The following WDR31 variants were observed in gnomAD, a reference collection of about 807,000 sequenced individuals.
WDR31 encodes the protein WD repeat-containing protein 31.
In WDR31, 30 loss-of-function variants were observed where a neutral mutation model predicts 47.3. That is an observed-to-expected ratio of 0.63 (90% confidence interval 0.47 to 0.86). WDR31 has a LOEUF of 0.86. Among genes scored for constraint, WDR31 ranks in the 40% least tolerant of loss-of-function variants. The pLI is 0.00. For missense variants in WDR31, 406 were observed against 442.9 expected, an observed-to-expected ratio of 0.92 and a Z score of 0.75; for synonymous variants, 137 against 159.4, an observed-to-expected ratio of 0.86 and a Z score of 1.06.
intron 8 of WDR31, among the ~76,000 whole-genome samples, chr9:113,320,997 T>G (rs16932644): frequency 0.029 from 4,491 of 152,282 alleles, 217 homozygotes; most frequent in African/African-American, 0.098. Context: ...TTTACCCCAT[T>G]CCTACCATTT....
At chr9:113,320,087 C>T (rs1420887665) in intron 9 of WDR31, among the ~76,000 whole-genome samples, 2 of 152,078 alleles carry the variant, frequency 1.3e-5, no homozygotes, top group Non-Finnish European at 2.9e-5. Context: ...GCCCAGCTAA[C>T]TTTTTATTTT....
chr9:113,326,273 A>G (rs1456689772), intron 5 of WDR31, among the ~76,000 whole-genome samples: 2 of 152,246 alleles, frequency 1.3e-5, no homozygotes, highest in Admixed American at 1.3e-4. Flanking sequence ...GCATATGGCA[A>G]GATTTTACAA....
At chr9:113,328,818 A>C (rs999960779) in intron 5 of WDR31, 63 bp downstream of exon 5, 13 of 1,350,886 alleles carry the variant, frequency 9.6e-6, no homozygotes, top group Non-Finnish European at 1.4e-5. Context: ...CTTAATATCT[A>C]GAACTATTAG....
chr9:113,324,269 C>T (rs1437145900), intron 5 of WDR31, among the ~76,000 whole-genome samples: 1 of 152,098 alleles, frequency 6.6e-6, no homozygotes, highest in Admixed American at 6.6e-5. Flanking sequence ...ATGGACTTGA[C>T]TATTCTAGGT....
chr9:113,338,773 C>G (rs1295832893), intron 1 of WDR31, among the ~76,000 whole-genome samples: 1 of 152,134 alleles, frequency 6.6e-6, no homozygotes, highest in Non-Finnish European at 1.5e-5. Context: ...CGCCTGCCAC[C>G]ACGCCCAGCT....
At chr9:113,338,938 A>G (rs1833772926) in intron 1 of WDR31, among the ~76,000 whole-genome samples, 1 of 151,998 alleles carries the variant, frequency 6.6e-6, no homozygotes, top group African/African-American at 2.4e-5. Context: ...CTTTTTAGGG[A>G]CCCAACAACA....
chr9:113,330,485 T>C (rs945414233), intron 4 of WDR31, among the ~76,000 whole-genome samples: 1 of 152,064 alleles, frequency 6.6e-6, no homozygotes, highest in African/African-American at 2.4e-5. Context: ...GATCCTAATA[T>C]GAAGGAGAGA....
rs1833715125 is a variant in WDR31, at chr9:113,336,340, T to A, written c.-81A>T. 1 of 152,252 alleles carries A rather than the reference T, an allele frequency of 6.6e-6. No homozygotes were observed. The highest frequency in any genetic ancestry group is 1.5e-5 in the Non-Finnish European group (1 of 68,040). The allele number at this position is 152,252 out of a possible 1,614,324, so 9.4% of individuals were successfully genotyped here. ...AGCTGCCCTATTCAATAATTTGTAA[T>A]GTGTATCCTTTGGAAAATAGTTCAG... is the stretch of plus-strand genomic sequence containing the variant. On this transcript the variant is annotated 5_prime_UTR_variant, in exon 2 of 11. Coordinates refer to ENST00000374193, the MANE Select transcript of WDR31 (RefSeq NM_001012361.4).
At chr9:113,329,044 CCTCA>C in intron 4 of WDR31, 89 bp from the exon 5 acceptor site, 1 of 1,211,920 alleles carries the variant, frequency 8.3e-7, no homozygotes, top group Non-Finnish European at 1.2e-6. Context: ...CTTTCTCCCT[CCTCA>C]CTCACTCCCT....
intron 2 of WDR31, among the ~76,000 whole-genome samples, chr9:113,333,030 C>T (rs1833632304): frequency 6.6e-6 from 1 of 152,214 alleles, no homozygotes; most frequent in African/African-American, 2.4e-5. Context: ...TCACACTTTT[C>T]ATACAGCCTG....
intron 7 of WDR31, 110 bp downstream of exon 7, chr9:113,322,701 G>A (rs1833350453): frequency 9.3e-7 from 1 of 1,070,970 alleles, no homozygotes; most frequent in East Asian, 2.4e-5. Context: ...CAGCAATTGG[G>A]ACCCAGGCTC....
At chr9:113,329,055 C>G (rs1833537167) in intron 4 of WDR31, 100 bp from the exon 5 acceptor site, 1 of 1,124,962 alleles carries the variant, frequency 8.9e-7, no homozygotes, top group Non-Finnish European at 1.3e-6. Context: ...CTCACTCACT[C>G]CCTCTCTGCT....
chr9:113,325,327 A>T (rs183917806), intron 5 of WDR31, among the ~76,000 whole-genome samples: 1 of 152,298 alleles, frequency 6.6e-6, no homozygotes, highest in East Asian at 1.9e-4. Flanking sequence ...CCTTTCAATA[A>T]GTGAATTTAT....
At chr9:113,331,187 G>C (rs771847964) in intron 3 of WDR31, 71 bp from the exon 4 acceptor site, 1 of 1,170,100 alleles carries the variant, frequency 8.5e-7, no homozygotes, top group Admixed American at 2.6e-5. Context: ...GGTGGGGTAG[G>C]GAGAAGAATG....
chr9:113,332,330 A>G (rs1833616674), intron 2 of WDR31, among the ~76,000 whole-genome samples: 1 of 152,256 alleles, frequency 6.6e-6, no homozygotes, highest in Admixed American at 6.5e-5. Flanking sequence ...ATGTTCAAAC[A>G]AAAATTTGTG....
intron 4 of WDR31, among the ~76,000 whole-genome samples, chr9:113,330,085 T>C (rs118173698): frequency 0.059 from 9,052 of 152,248 alleles, 451 homozygotes; most frequent in South Asian, 0.17. Flanking sequence ...TAAAAGGCTA[T>C]TGAAAATGAG....
At chr9:113,339,535 G>T (rs1833784811) in intron 1 of WDR31, among the ~76,000 whole-genome samples, 1 of 152,152 alleles carries the variant, frequency 6.6e-6, no homozygotes. Flanking sequence ...ACCCTCTAAT[G>T]GTACAGATAG....
At chr9:113,325,079 G>A (rs1833431108) in intron 5 of WDR31, among the ~76,000 whole-genome samples, 1 of 151,840 alleles carries the variant, frequency 6.6e-6, no homozygotes, top group Non-Finnish European at 1.5e-5. Context: ...CTGCATAGCT[G>A]GGATTACAGG....
chr9:113,323,266 TTTTC>T, intron 5 of WDR31, 111 bp from the exon 6 acceptor site: 1 of 1,345,308 alleles, frequency 7.4e-7, no homozygotes, highest in Admixed American at 2.5e-5. Context: ...CACACACTTC[TTTTC>T]TTTTTTTTTG....
Sources: gnomAD v4.1 joint callset for allele counts (sites outside exome capture counted in the v4.1 genomes callset) on GRCh38, gnomAD v4.1.1 for gene constraint, MANE v1.5 for transcripts, NCBI Gene and HGNC (gene_info 2026-07-23, HGNC 2026-07-21) for gene names.